The following AIDA variants were observed in gnomAD, a reference collection of about 807,000 sequenced individuals.
AIDA encodes axin interactor, dorsalization-associated protein.
In AIDA, 18 loss-of-function variants were observed where a neutral mutation model predicts 42.7. The ratio of observed to expected loss-of-function variants is 0.42; its 90% confidence interval spans 0.29 to 0.63. AIDA has a LOEUF of 0.63. Ranked by LOEUF, AIDA falls within the 20% of genes least tolerant of loss-of-function variation. The pLI is 0.19. For missense variants in AIDA, 250 were observed against 354.1 expected, an observed-to-expected ratio of 0.71 and a Z score of 2.36; for synonymous variants, 104 against 122.9, an observed-to-expected ratio of 0.85 and a Z score of 1.02.
chr1:222,672,325 A>C (rs1253191513), intron 8 of AIDA, among the ~76,000 whole-genome samples: 2 of 152,246 alleles, frequency 1.3e-5, no homozygotes, highest in African/African-American at 4.8e-5. Flanking sequence ...ATGGAGTTAA[A>C]GAAATGAAAC....
chr1:222,699,472 C>A (rs974460889), intron 2 of AIDA, among the ~76,000 whole-genome samples: 4 of 152,152 alleles, frequency 2.6e-5, no homozygotes, highest in African/African-American at 4.8e-5. Flanking sequence ...GAGACGGAGA[C>A]TTCCAAAAGC....
intron 4 of AIDA, among the ~76,000 whole-genome samples, chr1:222,691,739 A>G (rs906424840): frequency 3.3e-5 from 5 of 152,196 alleles, no homozygotes; most frequent in African/African-American, 1.2e-4. Context: ...GTGACAAAAA[A>G]GACCATGTGT....
intron 1 of AIDA, among the ~76,000 whole-genome samples, chr1:222,703,771 C>T (rs1655772288): frequency 1.3e-5 from 2 of 152,080 alleles, no homozygotes; most frequent in Admixed American, 1.3e-4. Flanking sequence ...AATCATTGTC[C>T]AATTATCATT....
chr1:222,689,520 T>TATATACAC lies in AIDA; in HGVS notation c.290-1863_290-1862insGTGTATAT, dbSNP rs765351898. On this transcript the variant is annotated intron_variant, in intron 4 of 9. Transcript: ENST00000340020. ...ATATATATATATATATATATATATA[T>TATATACAC]ACACACATACACACACACACATATA... Among the ~76,000 whole-genome samples the TATATACAC allele has an allele frequency of 5.3e-3, 308 of 58,010 alleles. 6 individuals carry two copies. The highest frequency in any genetic ancestry group is 0.013 in the South Asian group (22 of 1,670). The allele number at this position is 58,010 out of a possible 152,430, so 38.1% of individuals were successfully genotyped here. A position where few individuals can be genotyped will look rare whatever the true frequency, so the allele number is the denominator to read the frequency against.
chr1:222,698,099 T>C (rs1655572334), intron 2 of AIDA, among the ~76,000 whole-genome samples: 1 of 152,226 alleles, frequency 6.6e-6, no homozygotes. Flanking sequence ...CCAAACCCAG[T>C]TGTTATAATG....
intron 2 of AIDA, among the ~76,000 whole-genome samples, chr1:222,697,963 G>C (rs925000176): frequency 1.3e-5 from 2 of 151,460 alleles, no homozygotes; most frequent in African/African-American, 4.9e-5. Flanking sequence ...TCAAGACAGG[G>C]AAACGCTTTC....
At chr1:222,671,075 A>G (rs372694468) in intron 8 of AIDA, among the ~76,000 whole-genome samples, 15 of 151,962 alleles carry the variant, frequency 9.9e-5, no homozygotes, top group African/African-American at 3.1e-4. Context: ...AAAAATTTTA[A>G]AAATAGCCAG....
rs201068019 is a variant in AIDA at position 222,701,211 on chromosome 1, A to G, written c.180+1937T>C. ...CTCCTGGGCTGAAACAATCTTCCCA[A>G]CTCGACCTCCCAAAGTGCTAAGATT... On this transcript the variant is annotated intron_variant, in intron 2 of 9. Coordinates refer to ENST00000340020, the MANE Select transcript of AIDA (RefSeq NM_022831.4). 3.3e-5 allele frequency among the ~76,000 whole-genome samples: 5 copies of G among 151,962 alleles called. No individual in the cohort carries two copies. The East Asian group carries it at 9.7e-4, about 30-fold the overall frequency.
intron 7 of AIDA, among the ~76,000 whole-genome samples, chr1:222,674,959 T>G (rs56192562): frequency 2.4e-4 from 36 of 152,370 alleles, no homozygotes; most frequent in Non-Finnish European, 4.4e-5. Context: ...TACGCAGTTC[T>G]GTAAATGACC....
rs560707237 is a variant in AIDA, at chr1:222,681,386, G to C, written c.461-5168C>G. ...CTCAAGAATGTTTTGAAAATTGGCC[G>C]GGCATGGTGGCTTACACCTGTAATC... On this transcript the variant is annotated intron_variant, in intron 6 of 9. Coordinates refer to ENST00000340020, the MANE Select transcript of AIDA (RefSeq NM_022831.4). Among the ~76,000 whole-genome samples, 4 of 152,284 alleles carry C rather than the reference G, an allele frequency of 2.6e-5. No individual in the cohort carries two copies. The South Asian group carries it at 8.3e-4, about 32-fold the overall frequency.
chr1:222,698,153 A>G (rs1655573803), intron 2 of AIDA, among the ~76,000 whole-genome samples: 1 of 152,238 alleles, frequency 6.6e-6, no homozygotes, highest in Admixed American at 6.5e-5. Context: ...TGAACTAATC[A>G]TAAAAGAAGA....
intron 7 of AIDA, among the ~76,000 whole-genome samples, chr1:222,675,356 A>G (rs772898059): frequency 2.0e-5 from 3 of 152,218 alleles, no homozygotes; most frequent in Non-Finnish European, 4.4e-5. Context: ...TACTGTATAA[A>G]ATGTTTGGCA....
Position 222,668,161 on chromosome 1 carries a change from G to A in AIDA, c.*1732C>T, listed in dbSNP as rs1471563802. Reference sequence around the variant, plus strand: ...GAGAAAAGAGAAAAAATAATACATCGGTTTTGCTACACTTTAATGGGTTTT... The same window carrying A: ...GAGAAAAGAGAAAAAATAATACATCAGTTTTGCTACACTTTAATGGGTTTT... On this transcript the variant is annotated 3_prime_UTR_variant, in exon 10 of 10. Coordinates refer to ENST00000340020, the MANE Select transcript of AIDA (RefSeq NM_022831.4). The A allele has an allele frequency of 6.6e-6, 1 of 151,600 alleles. No individual in the cohort carries two copies. Among genetic ancestry groups the A allele is most frequent in the African/African-American group, 2.4e-5 (1 of 41,242 alleles). 9.4% of individuals were successfully genotyped at this position (151,600 alleles called of 1,614,324 possible).
At chr1:222,700,091 C>T (rs902533548) in intron 2 of AIDA, among the ~76,000 whole-genome samples, 1 of 152,134 alleles carries the variant, frequency 6.6e-6, no homozygotes, top group Non-Finnish European at 1.5e-5. Flanking sequence ...ATACAAATTG[C>T]CTTATATTCA....
chr1:222,689,478 T>TGC (rs1655291017), intron 4 of AIDA, among the ~76,000 whole-genome samples: 1 of 33,980 alleles, frequency 2.9e-5, no homozygotes, highest in African/African-American at 1.9e-4. Flanking sequence ...TATGTGTGTG[T>TGC]GTGTATATAT....
rs1468586002 is a variant in AIDA, at chr1:222,703,301, G to A, written c.111-84C>T. ...GTAACAATTTAAAGCTTTTTAACAT[G>A]TGAAGTACAATTATTGTCCTGTTTT... is the stretch of plus-strand genomic sequence containing the variant. On this transcript the variant is annotated intron_variant, in intron 1 of 9. Coordinates refer to ENST00000340020, the MANE Select transcript of AIDA (RefSeq NM_022831.4). 10 of 982,888 alleles carry A rather than the reference G, an allele frequency of 1.0e-5. No homozygotes were observed. The African/African-American group carries it at 1.3e-4, about 13-fold the overall frequency. 60.9% of individuals were successfully genotyped at this position (982,888 alleles called of 1,614,324 possible). A position where few individuals can be genotyped will look rare whatever the true frequency, so the allele number is the denominator to read the frequency against.
intron 1 of AIDA, among the ~76,000 whole-genome samples, chr1:222,709,809 C>T (rs1241938299): frequency 6.6e-6 from 1 of 152,236 alleles, no homozygotes; most frequent in Admixed American, 6.5e-5. Context: ...CCATTGGCTT[C>T]TCAGTGCTTT....
intron 4 of AIDA, 65 bp downstream of exon 4, chr1:222,693,724 C>A: frequency 3.1e-6 from 4 of 1,300,098 alleles, no homozygotes; most frequent in South Asian, 2.6e-5. Context: ...GTTAAATAGC[C>A]TTAACATCTA....
At chr1:222,690,374 A>G (rs1353391648) in intron 4 of AIDA, among the ~76,000 whole-genome samples, 1 of 152,218 alleles carries the variant, frequency 6.6e-6, no homozygotes, top group Non-Finnish European at 1.5e-5. Context: ...GCATCTTACA[A>G]TTCTAGCTAC....
Sources: gnomAD v4.1 joint callset for allele counts (sites outside exome capture counted in the v4.1 genomes callset) on GRCh38, gnomAD v4.1.1 for gene constraint, MANE v1.5 for transcripts, NCBI Gene and HGNC (gene_info 2026-07-23, HGNC 2026-07-21) for gene names.